Variants in HSPG2 observed in about 807,000 individuals in gnomAD.
HSPG2 encodes the protein heparan sulfate proteoglycan 2, also known as basement membrane-specific heparan sulfate proteoglycan core protein.
HSPG2 carries 278 observed loss-of-function variants against 526.6 expected under a neutral mutation model. That is an observed-to-expected ratio of 0.53 (90% CI 0.48 to 0.58). HSPG2 has a LOEUF of 0.58. Ranked by LOEUF, HSPG2 falls within the 20% of genes least tolerant of loss-of-function variation. The probability of loss-of-function intolerance (pLI) is 0.00; values close to 1 mark genes in which losing one functional copy is unlikely to be tolerated. For synonymous variants in HSPG2, 2,465 were observed against 2,555.4 expected, an observed-to-expected ratio of 0.96 and a Z score of 1.07; for missense variants, 5,354 against 6,099.5, an observed-to-expected ratio of 0.88 and a Z score of 4.07.
At chr1:21,845,195 G>A (rs58950144) in intron 64 of HSPG2, among the ~76,000 whole-genome samples, 23 of 152,214 alleles carry the variant, frequency 1.5e-4, no homozygotes, top group African/African-American at 5.1e-4. Context: ...GCAGTGAGCC[G>A]AGGTCATGCC....
At chr1:21,902,249 T>G (rs2152779059) in intron 1 of HSPG2, among the ~76,000 whole-genome samples, 1 of 152,328 alleles carries the variant, frequency 6.6e-6, no homozygotes, top group South Asian at 2.1e-4. Context: ...TCCTCTGGCA[T>G]GCTTGTGCTG....
chr1:21,833,408 A>G lies in HSPG2; in HGVS notation c.10979-24T>C, dbSNP rs1430814771. ...CTCTGCCAGCAGAGAGCACAGCTGA[A>G]GACCCTGCCAGTCAGGGAGTGGGCA... On this transcript the variant is annotated intron_variant, in intron 79 of 96. Transcript: ENST00000374695. 4 of 1,614,122 alleles carry G rather than the reference A, an allele frequency of 2.5e-6. No individual in the cohort carries two copies. The African/African-American group carries it at 5.3e-5, about 22-fold the overall frequency.
At chr1:21,842,525 A>G in intron 67 of HSPG2, 145 bp from the exon 68 acceptor site, 1 of 1,068,404 alleles carries the variant, frequency 9.4e-7, no homozygotes, top group Non-Finnish European at 1.3e-6. Flanking sequence ...CATTCACAGA[A>G]TCCTAGAGGT....
chr1:21,905,661 G>A (rs912870294), intron 1 of HSPG2, among the ~76,000 whole-genome samples: 1 of 152,232 alleles, frequency 6.6e-6, no homozygotes, highest in Non-Finnish European at 1.5e-5. Context: ...AGAATCACTT[G>A]AACCCAGGAG....
intron 23 of HSPG2, 79 bp downstream of exon 23, chr1:21,876,150 C>T (rs1304774497): frequency 1.0e-5 from 16 of 1,562,520 alleles, no homozygotes; most frequent in East Asian, 7.0e-5. Flanking sequence ...CAAGGCACCA[C>T]GACCCTCCCG....
At chr1:21,923,859 T>C (rs189649527) in intron 1 of HSPG2, among the ~76,000 whole-genome samples, 5 of 152,320 alleles carry the variant, frequency 3.3e-5, no homozygotes, top group Admixed American at 2.6e-4. Context: ...GCCGAATGAA[T>C]GAACGGTCCC....
Position 21,828,764 on chromosome 1 carries a change from T to C in HSPG2, c.12237+71A>G. The C allele has an allele frequency of 6.5e-7, 1 of 1,546,758 alleles. No homozygotes were observed. Among genetic ancestry groups the C allele is most frequent in the Non-Finnish European group, 8.7e-7 (1 of 1,145,886 alleles). Reference sequence around the variant, plus strand: ...GTGGAGGGGCCCAATGCCAAGGTGCTTGGAGAGCCGAGGGGGACACAAGGC... The same window carrying C: ...GTGGAGGGGCCCAATGCCAAGGTGCCTGGAGAGCCGAGGGGGACACAAGGC... On this transcript the variant is annotated intron_variant, in intron 88 of 96. Transcript: ENST00000374695. This position sits in a 1 kb window ranked among gnomAD's most constrained non-coding sequence, Gnocchi z 6.0.
Position 21,873,559 on chromosome 1 carries a change from G to A in HSPG2, c.3744-135C>T, listed in dbSNP as rs41307814. 15,946 of 924,648 alleles carry A rather than the reference G, an allele frequency of 0.017. 292 individuals carry two copies. Among genetic ancestry groups the A allele is most frequent in the Admixed American group, 0.072 (3,833 of 53,578 alleles). The allele number at this position is 924,648 out of a possible 1,614,324, so 57.3% of individuals were successfully genotyped here. On this transcript the variant is annotated intron_variant, in intron 29 of 96. Transcript: ENST00000374695. Reference sequence around the variant, plus strand: ...GAAGAGCCTGACTCGCCCATGTTACGGGGAAACTGGGCAGAGAAGAGCAGG... The same window carrying A: ...GAAGAGCCTGACTCGCCCATGTTACAGGGAAACTGGGCAGAGAAGAGCAGG...
At chr1:21,849,685 G>GTT (rs546574624) in intron 57 of HSPG2, among the ~76,000 whole-genome samples, 4 of 146,618 alleles carry the variant, frequency 2.7e-5, no homozygotes, top group African/African-American at 2.5e-5. Flanking sequence ...AAAGCCTGTG[G>GTT]TTTTTTTTTT....
intron 37 of HSPG2, among the ~76,000 whole-genome samples, chr1:21,863,881 G>T (rs1263663894): frequency 1.3e-5 from 2 of 152,156 alleles, no homozygotes; most frequent in African/African-American, 4.8e-5. Context: ...GAAAAAAATA[G>T]TAAAGAACCA....
At chr1:21,888,403 C>T (rs1233499307) in intron 6 of HSPG2, among the ~76,000 whole-genome samples, 1 of 152,268 alleles carries the variant, frequency 6.6e-6, no homozygotes, top group East Asian at 1.9e-4. Context: ...CTGTCTTGGG[C>T]TGTGCCCAGC....
chr1:21,839,666 T>C lies in HSPG2; in HGVS notation c.9710-116A>G, dbSNP rs1199400196. 7.1e-6 allele frequency: 10 copies of C among 1,416,360 alleles called. No homozygotes were observed. The highest frequency in any genetic ancestry group is 9.7e-6 in the Non-Finnish European group (10 of 1,026,268). 87.7% of individuals were successfully genotyped at this position (1,416,360 alleles called of 1,614,324 possible). On this transcript the variant is annotated intron_variant, in intron 72 of 96. Transcript: ENST00000374695. This position sits in a 1 kb window ranked among gnomAD's most constrained non-coding sequence, Gnocchi z 4.5. ...CCTGTCCCTCTATGGGGACCCCAGTTGGGTTCCTCGGCCATCACTGGGGGA... is the reference window on the plus strand; with the variant it reads ...CCTGTCCCTCTATGGGGACCCCAGTCGGGTTCCTCGGCCATCACTGGGGGA...
At position 21,844,208 on chromosome 1, in the gene HSPG2, C is replaced by T. The variant is rs757234038; in HGVS notation, c.8556G>A (p.Gly2852=). The change falls in exon 65 of 97, where the codon GGG becomes GGA. Residue 2852 remains glycine, a synonymous_variant. Coordinates refer to ENST00000374695, the MANE Select transcript of HSPG2 (RefSeq NM_005529.7). The part of the protein sequence containing the change: ...QTLDLKCVVP[G]QAHAQVTWHK... ...GCCACGTGACCTGGGCGTGGGCCTG[C>T]CCGGGCACCACGCACTTCAGATCCA... 1 of 1,613,792 alleles carries T rather than the reference C, an allele frequency of 6.2e-7. No individual in the cohort carries two copies. The highest frequency in any genetic ancestry group is 8.5e-7 in the Non-Finnish European group (1 of 1,180,024).
In HSPG2 at chr1:21,872,888, C is replaced by A; in HGVS notation, c.3888+109G>T. The stretch of plus-strand genomic sequence containing the variant: ...CAGCCCCTGCCCTGTCCCCCATGCC[C>A]TGCCCCCCATGCCCAGGTCTCGGCT... On this transcript the variant is annotated intron_variant, in intron 31 of 96. Coordinates refer to ENST00000374695, the MANE Select transcript of HSPG2 (RefSeq NM_005529.7). This position sits in a 1 kb window ranked among gnomAD's most constrained non-coding sequence, Gnocchi z 5.5. 6.5e-7 allele frequency: 1 copy of A among 1,536,174 alleles called. No individual in the cohort carries two copies. Among genetic ancestry groups the A allele is most frequent in the South Asian group, 1.1e-5 (1 of 89,252 alleles).
chr1:21,876,683 G>A (rs764115807), intron 21 of HSPG2, 31 bp from the exon 22 acceptor site: 12 of 1,613,898 alleles, frequency 7.4e-6, no homozygotes, highest in Non-Finnish European at 1.0e-5. Context: ...CTGAAGGACA[G>A]CCCATGGGAG....
At chr1:21,924,083 G>A (rs1644118591) in intron 1 of HSPG2, among the ~76,000 whole-genome samples, 1 of 152,174 alleles carries the variant, frequency 6.6e-6, no homozygotes, top group Admixed American at 6.5e-5. Context: ...CAAGAAGACA[G>A]GACAGGCTTC....
At chr1:21,882,154 C>A (rs1236820339) in intron 13 of HSPG2, among the ~76,000 whole-genome samples, 1 of 151,826 alleles carries the variant, frequency 6.6e-6, no homozygotes, top group Non-Finnish European at 1.5e-5. Flanking sequence ...TGCTAAGAGA[C>A]CCACAGACTT....
At chr1:21,852,655 C>G (rs1449594338) in intron 52 of HSPG2, 45 bp downstream of exon 52, 2 of 1,611,598 alleles carry the variant, frequency 1.2e-6, no homozygotes, top group East Asian at 2.2e-5. Context: ...ACCCCGGAGG[C>G]CTCTCTGCCT....
Position 21,859,268 on chromosome 1 carries a change from C to T in HSPG2, c.5293+298G>A, listed in dbSNP as rs1353980225. On this transcript the variant is annotated intron_variant, in intron 42 of 96. Transcript: ENST00000374695. The surrounding 1 kb of genome is among the most constrained non-coding windows in gnomAD (Gnocchi z 5.3). ...TTTACGACGTTGGCCAGGCTGGTCT[C>T]GAACTCCTGACCTCATGATCTGCCC... Among the ~76,000 whole-genome samples, 2 of 152,078 alleles carry T rather than the reference C, an allele frequency of 1.3e-5. No individual in the cohort carries two copies. The highest frequency in any genetic ancestry group is 2.9e-5 in the Non-Finnish European group (2 of 68,010).
Sources: gnomAD v4.1 joint callset for allele counts (sites outside exome capture counted in the v4.1 genomes callset) on GRCh38, gnomAD v4.1.1 for gene constraint, Gnocchi (gnomAD v3.1) non-coding constraint, MANE v1.5 for transcripts, NCBI Gene and HGNC (gene_info 2026-07-23, HGNC 2026-07-21) for gene names.